RMDN1: variants seen among roughly 807,000 people sequenced by gnomAD.
RMDN1 encodes regulator of microtubule dynamics 1, also known as regulator of microtubule dynamics protein 1.
In RMDN1, 48 loss-of-function variants were observed where a neutral mutation model predicts 48.9. The observed-to-expected ratio is 0.98, with a 90% CI of 0.78 to 1.25. The LOEUF is 1.25. Ranked by LOEUF, RMDN1 falls within the 50% of genes most tolerant of loss-of-function variation. RMDN1 has a pLI of 0.00. For missense variants in RMDN1, 418 were observed against 373.4 expected (o/e 1.12, Z -0.98); for synonymous variants, 148 against 132.6 (o/e 1.12, Z -0.80).
At chr8:86,500,960 C>A (rs561073287) in intron 2 of RMDN1, among the ~76,000 whole-genome samples, 155 of 152,304 alleles carry the variant, frequency 1.0e-3, no homozygotes, top group Non-Finnish European at 1.3e-3. Context: ...AAACCAAATA[C>A]TGCATGTTTT....
At chr8:86,495,023 A>C in intron 2 of RMDN1, 1 of 341,078 alleles carries the variant, frequency 2.9e-6, no homozygotes, top group South Asian at 2.2e-5. Context: ...TCCTCAAGAC[A>C]CTTTTGAAAA....
intron 5 of RMDN1, among the ~76,000 whole-genome samples, chr8:86,480,765 T>C (rs916444906): frequency 6.6e-5 from 10 of 152,112 alleles, no homozygotes; most frequent in Admixed American, 6.5e-5. Flanking sequence ...TTTAGTTTTT[T>C]AGAAAAAATG....
intron 2 of RMDN1, among the ~76,000 whole-genome samples, chr8:86,491,693 T>C (rs1399691209): frequency 6.6e-6 from 1 of 152,184 alleles, no homozygotes; most frequent in Non-Finnish European, 1.5e-5. Context: ...CCTAAAACTG[T>C]ATAGTGAAAT....
Position 86,472,379 on chromosome 8 carries a change from C to T in RMDN1, c.*1929G>A. On this transcript the variant is annotated 3_prime_UTR_variant, in exon 10 of 10. Transcript: ENST00000406452. ...GTGCACAACACAGTTTATTCGGTCT[C>T]CCTAAAGGAAAAAACCCATTTTAAA... 1.4e-6 allele frequency: 1 copy of T among 702,170 alleles called. No individual in the cohort carries two copies. The highest frequency in any genetic ancestry group is 2.6e-6 in the Non-Finnish European group (1 of 384,836). 43.5% of individuals were successfully genotyped at this position (702,170 alleles called of 1,614,324 possible). A position where few individuals can be genotyped will look rare whatever the true frequency, so the allele number is the denominator to read the frequency against.
intron 2 of RMDN1, chr8:86,504,890 C>T (rs919338168): frequency 1.8e-6 from 2 of 1,096,290 alleles, no homozygotes; most frequent in African/African-American, 3.1e-5. Flanking sequence ...TCGCCAGCTT[C>T]CTCATCACCT....
At chr8:86,503,390 C>CAAAAAAAACAAAACAAAACA (rs1818718184) in intron 2 of RMDN1, among the ~76,000 whole-genome samples, 4 of 56,586 alleles carry the variant, frequency 7.1e-5, no homozygotes, top group Non-Finnish European at 1.4e-4. Context: ...AAAAAAAAAA[C>CAAAAAAAACAAAACAAAACA]AAAAAAAAAT....
intron 2 of RMDN1, among the ~76,000 whole-genome samples, chr8:86,503,390 C>CAAAAAAAAACAAAACAAAACA (rs1405705068): frequency 3.5e-5 from 2 of 56,588 alleles, no homozygotes; most frequent in Non-Finnish European, 7.0e-5. Flanking sequence ...AAAAAAAAAA[C>CAAAAAAAAACAAAACAAAACA]AAAAAAAAAT....
At chr8:86,504,656 T>A (rs1478714565) in intron 2 of RMDN1, 2 of 877,404 alleles carry the variant, frequency 2.3e-6, no homozygotes, top group Non-Finnish European at 3.9e-6. Flanking sequence ...AGGATGAGTA[T>A]AATGGGATGA....
At chr8:86,484,778 G>A in intron 5 of RMDN1, 94 bp downstream of exon 5, 3 of 626,818 alleles carry the variant, frequency 4.8e-6, no homozygotes, top group Non-Finnish European at 8.3e-6. Context: ...GTTATCATAG[G>A]TGGTTTGATA....
intron 1 of RMDN1, chr8:86,514,180 T>G: frequency 1.2e-6 from 1 of 838,520 alleles, no homozygotes; most frequent in Non-Finnish European, 1.4e-6. Context: ...GGCATAAATT[T>G]TCTCAAATAT....
intron 2 of RMDN1, among the ~76,000 whole-genome samples, chr8:86,493,713 A>G (rs571410434): frequency 2.6e-5 from 4 of 152,292 alleles, no homozygotes; most frequent in East Asian, 3.9e-4. Context: ...TCCACACCTG[A>G]CACTTTTATT....
At chr8:86,481,369 T>C (rs1431463132) in intron 5 of RMDN1, among the ~76,000 whole-genome samples, 1 of 152,170 alleles carries the variant, frequency 6.6e-6, no homozygotes, top group Non-Finnish European at 1.5e-5. Flanking sequence ...ATGCAACTTA[T>C]GCTCTAAGCA....
intron 5 of RMDN1, 35 bp downstream of exon 5, chr8:86,484,837 T>G: frequency 7.3e-7 from 1 of 1,375,284 alleles, no homozygotes; most frequent in Non-Finnish European, 1.0e-6. Context: ...AAATATGACT[T>G]TTAAAATTCA....
At chr8:86,494,279 G>C (rs1298740946) in intron 2 of RMDN1, among the ~76,000 whole-genome samples, 3 of 152,204 alleles carry the variant, frequency 2.0e-5, no homozygotes, top group Non-Finnish European at 2.9e-5. Flanking sequence ...GTTGAGGCCG[G>C]GTGCAGTGGC....
At chr8:86,470,457 G>C (rs1563567841), downstream of RMDN1, 2 of 1,229,984 alleles carry the variant, frequency 1.6e-6, no homozygotes, top group African/African-American at 3.1e-5. Context: ...TCAGAATCTT[G>C]GGAAGGCACC....
intron 2 of RMDN1, chr8:86,505,063 T>C (rs1477395429): frequency 5.6e-6 from 8 of 1,429,308 alleles, no homozygotes; most frequent in Non-Finnish European, 7.5e-6. Context: ...ACCACCAATG[T>C]CTAAGTCATG....
chr8:86,506,318 C>T (rs868747322), intron 2 of RMDN1, among the ~76,000 whole-genome samples: 2 of 152,074 alleles, frequency 1.3e-5, no homozygotes, highest in Non-Finnish European at 1.5e-5. Flanking sequence ...AATTTATAAC[C>T]TCAGCTCTGG....
At chr8:86,508,436 G>A (rs1289648498) in intron 1 of RMDN1, 56 bp downstream of exon 1, 18 of 1,503,274 alleles carry the variant, frequency 1.2e-5, no homozygotes, top group Admixed American at 6.8e-5. Context: ...AGTTAAGGGG[G>A]AGCCGGAACC....
chr8:86,513,662 A>G (rs1261081307), upstream of RMDN1, among the ~76,000 whole-genome samples: 1 of 152,194 alleles, frequency 6.6e-6, no homozygotes, highest in Non-Finnish European at 1.5e-5. Context: ...ATGTTACTCA[A>G]TTGCAGTTTT....
Sources: gnomAD v4.1 joint callset for allele counts (sites outside exome capture counted in the v4.1 genomes callset) on GRCh38, gnomAD v4.1.1 for gene constraint, MANE v1.5 for transcripts, NCBI Gene and HGNC (gene_info 2026-07-23, HGNC 2026-07-21) for gene names.